The following TACC2 variants were observed in gnomAD, a reference collection of about 807,000 sequenced individuals.
TACC2 encodes the protein transforming acidic coiled-coil-containing protein 2.
In TACC2, 137 loss-of-function variants were observed where a neutral mutation model predicts 227.3. The ratio of observed to expected loss-of-function variants is 0.60; its 90% CI spans 0.52 to 0.69. TACC2 has a LOEUF of 0.69. TACC2 is among the 30% of genes least tolerant of loss of function. TACC2 has a pLI of 0.00. For missense variants in TACC2, 3,470 were observed against 3,694.4 expected, an observed-to-expected ratio of 0.94 and a Z score of 1.57; for synonymous variants, 1,523 against 1,487.5, an observed-to-expected ratio of 1.02 and a Z score of -0.55.
intron 6 of TACC2, among the ~76,000 whole-genome samples, chr10:122,134,917 G>A (rs1053513765): frequency 6.6e-6 from 1 of 152,190 alleles, no homozygotes; most frequent in Non-Finnish European, 1.5e-5. Flanking sequence ...TGTTTTAAGT[G>A]ACTTGTCCCA....
intron 1 of TACC2, among the ~76,000 whole-genome samples, chr10:121,998,652 A>G (rs1219337661): frequency 6.6e-6 from 1 of 152,136 alleles, no homozygotes; most frequent in East Asian, 1.9e-4. Context: ...TAAAAAGGGG[A>G]AATTCTGCTC....
chr10:122,047,141 T>C (rs1271473431), intron 2 of TACC2, among the ~76,000 whole-genome samples: 1 of 151,154 alleles, frequency 6.6e-6, no homozygotes, highest in African/African-American at 2.4e-5. Context: ...ATACAAAAAT[T>C]AGCCGGGTGT....
At chr10:122,230,016 T>C (rs2095706309) in intron 15 of TACC2, among the ~76,000 whole-genome samples, 1 of 151,984 alleles carries the variant, frequency 6.6e-6, no homozygotes, top group Non-Finnish European at 1.5e-5. Context: ...GCTCCATTCA[T>C]GGAAACTATT....
At chr10:122,213,492 G>C in intron 9 of TACC2, 1 of 1,067,258 alleles carries the variant, frequency 9.4e-7, no homozygotes, top group South Asian at 1.3e-5. Flanking sequence ...ATGTGTTTCT[G>C]TGGTGGGCCT....
chr10:122,061,805 G>C (rs867795990), intron 3 of TACC2, among the ~76,000 whole-genome samples: 2 of 152,026 alleles, frequency 1.3e-5, no homozygotes, highest in Non-Finnish European at 2.9e-5. Flanking sequence ...GGGTCTCTGG[G>C]AGCACAGGGG....
chr10:122,060,999 TCAA>T lies in TACC2; in HGVS notation c.146+10450_146+10452del, dbSNP rs1565185188. Among the ~76,000 whole-genome samples, 2 of 6,142 alleles carry T rather than the reference TCAA, an allele frequency of 3.3e-4. 1 individual carries two copies. Among genetic ancestry groups the T allele is most frequent in the Non-Finnish European group, 1.3e-3 (2 of 1,482 alleles). The allele number at this position is 6,142 out of a possible 152,430, so 4.0% of individuals were successfully genotyped here. A position where few individuals can be genotyped will look rare whatever the true frequency, so the allele number is the denominator to read the frequency against. Reference sequence around the variant, plus strand: ...CAGCCTGGGCAACAGAGACTCCATCTCAAAAAAAAAAAAAAAAAAAGGGGGGGG... The same window carrying T: ...CAGCCTGGGCAACAGAGACTCCATCTAAAAAAAAAAAAAAAAAGGGGGGGG... On this transcript the variant is annotated intron_variant, in intron 3 of 22. Transcript: ENST00000369005.
chr10:122,252,670 T>C (rs2096274181), intron 22 of TACC2, among the ~76,000 whole-genome samples: 1 of 152,058 alleles, frequency 6.6e-6, no homozygotes, highest in African/African-American at 2.4e-5. Context: ...TTTTTGTATT[T>C]TTAGTAGTGA....
intron 8 of TACC2, among the ~76,000 whole-genome samples, chr10:122,196,928 C>G (rs191090823): frequency 8.5e-5 from 7 of 82,770 alleles, no homozygotes; most frequent in Non-Finnish European, 1.3e-4. Context: ...AGAGCGAGTC[C>G]GTCTCAAAAA....
At chr10:122,089,150 A>G (rs557942750) in intron 5 of TACC2, among the ~76,000 whole-genome samples, 8 of 152,180 alleles carry the variant, frequency 5.3e-5, no homozygotes, top group African/African-American at 9.7e-5. Flanking sequence ...GATGCAATTC[A>G]TATACCACAT....
intron 7 of TACC2, among the ~76,000 whole-genome samples, chr10:122,176,099 CTCTCTCTCTCTCTCTCTCTA>C (rs1389712919): frequency 3.0e-4 from 27 of 88,920 alleles, no homozygotes; most frequent in African/African-American, 4.3e-4. Flanking sequence ...CTCTCTCTCT[CTCTCTCTCTCTCTCTCTCTA>C]TATATATATA....
chr10:121,990,465 A>G (rs1952982798), intron 1 of TACC2, among the ~76,000 whole-genome samples: 1 of 152,086 alleles, frequency 6.6e-6, no homozygotes, highest in Admixed American at 6.6e-5. Flanking sequence ...TTCGTTTTCA[A>G]TTTTGTTTTT....
chr10:122,228,315 G>GTCCTCTGCCGCT (rs1435549347), intron 14 of TACC2, among the ~76,000 whole-genome samples: 3 of 152,190 alleles, frequency 2.0e-5, no homozygotes, highest in African/African-American at 7.2e-5. Context: ...TCGTTAAGCA[G>GTCCTCTGCCGCT]TCCTCTGCCG....
intron 2 of TACC2, among the ~76,000 whole-genome samples, chr10:122,044,433 C>T (rs534147545): frequency 1.3e-5 from 2 of 152,322 alleles, no homozygotes; most frequent in East Asian, 3.9e-4. Flanking sequence ...GTTCATCCTC[C>T]ATATTTGGTC....
At chr10:122,163,696 G>A in intron 7 of TACC2, 2 of 1,103,052 alleles carry the variant, frequency 1.8e-6, no homozygotes, top group Non-Finnish European at 2.2e-6. Context: ...GCGCGCGCCG[G>A]CCACACTCGC....
chr10:122,003,282 GC>G (rs1375972976), intron 1 of TACC2, among the ~76,000 whole-genome samples: 1 of 151,168 alleles, frequency 6.6e-6, no homozygotes, highest in Non-Finnish European at 1.5e-5. Context: ...ATCTATTTCT[GC>G]CTTTAACTTT....
At chr10:122,196,282 G>A (rs181953919) in intron 8 of TACC2, among the ~76,000 whole-genome samples, 70 of 152,308 alleles carry the variant, frequency 4.6e-4, no homozygotes, top group Admixed American at 2.0e-3. Context: ...GTACACTCCC[G>A]GAGCTTTGTT....
chr10:122,118,958 A>G (rs2085221643), intron 5 of TACC2, among the ~76,000 whole-genome samples: 3 of 152,224 alleles, frequency 2.0e-5, no homozygotes, highest in Admixed American at 2.0e-4. Flanking sequence ...AGATGATGCT[A>G]TGCTTTACAT....
At chr10:122,040,556 A>G (rs1353997966) in intron 2 of TACC2, among the ~76,000 whole-genome samples, 1 of 151,758 alleles carries the variant, frequency 6.6e-6, no homozygotes, top group Non-Finnish European at 1.5e-5. Flanking sequence ...GGCAACCCTA[A>G]CCCCTCCATT....
intron 2 of TACC2, among the ~76,000 whole-genome samples, chr10:122,030,526 T>C (rs1474101165): frequency 1.3e-5 from 2 of 152,118 alleles, no homozygotes; most frequent in African/African-American, 4.8e-5. Flanking sequence ...AAAATGCTGG[T>C]GTGGGGGTTC....
Sources: allele counts gnomAD v4.1 joint callset (sites outside exome capture counted in the v4.1 genomes callset), GRCh38; gene constraint gnomAD v4.1.1; transcripts MANE v1.5; gene names NCBI Gene and HGNC (gene_info 2026-07-23, HGNC 2026-07-21).